The following WDR44 variants were observed in gnomAD, a reference collection of about 807,000 sequenced individuals.
WDR44 encodes the protein WD repeat domain 44.
In WDR44, 9 loss-of-function variants were observed where a neutral mutation model predicts 65.7. The observed-to-expected ratio is 0.14, with a 90% CI of 0.08 to 0.24. The LOEUF (loss-of-function observed/expected upper bound fraction) is 0.24. Ranked by LOEUF, WDR44 falls within the 10% of genes least tolerant of loss-of-function variation. The pLI is 1.00. For synonymous variants in WDR44, 220 were observed against 235.2 expected (o/e 0.94, Z 0.59); for missense variants, 425 against 670.9 (o/e 0.63, Z 4.05).
intron 12 of WDR44, among the ~76,000 whole-genome samples, chrX:118,415,543 G>A (rs2057050355): frequency 9.0e-6 from 1 of 111,700 alleles, no homozygotes; most frequent in African/African-American, 3.3e-5. Flanking sequence ...TCACTCTGTT[G>A]CCCAGGCTGG....
intron 9 of WDR44, 113 bp downstream of exon 9, chrX:118,404,557 A>G: frequency 2.1e-6 from 1 of 484,537 alleles, no homozygotes; most frequent in Non-Finnish European, 3.3e-6. Context: ...TTTATAGCTG[A>G]CATCTTAGTA....
At chrX:118,392,446 T>A (rs2056828125) in intron 3 of WDR44, among the ~76,000 whole-genome samples, 186 bp from the exon 4 acceptor site, 1 of 112,054 alleles carries the variant, frequency 8.9e-6, no homozygotes, top group African/African-American at 3.2e-5. Flanking sequence ...ATCATTTGAT[T>A]AGTTCCCTAA....
chrX:118,356,795 T>C (rs1366177374), intron 1 of WDR44, among the ~76,000 whole-genome samples: 2 of 108,605 alleles, frequency 1.8e-5, no homozygotes, highest in African/African-American at 6.7e-5. Context: ...TTCTAGATAA[T>C]TGAAGATTTT....
At chrX:118,416,276 A>C (rs2057056498) in intron 12 of WDR44, among the ~76,000 whole-genome samples, 1 of 111,389 alleles carries the variant, frequency 9.0e-6, no homozygotes, top group East Asian at 2.8e-4. Flanking sequence ...TGACCTTAGC[A>C]TGTCAGTTTG....
chrX:118,394,626 G>A (rs763801828), intron 5 of WDR44, among the ~76,000 whole-genome samples: 17 of 109,859 alleles, frequency 1.5e-4, no homozygotes, highest in Non-Finnish European at 2.5e-4. Context: ...TAGGAAGCGG[G>A]CTACACAAAA....
chrX:118,437,002 G>C (rs1856957695), intron 14 of WDR44, among the ~76,000 whole-genome samples, 178 bp downstream of exon 14: 1 of 111,816 alleles, frequency 8.9e-6, no homozygotes, highest in East Asian at 2.8e-4. Flanking sequence ...CTGCTGATCT[G>C]CATTAGAAAA....
rs766638397 is a variant in WDR44 at position 118,443,816 on chromosome X, G to A, written c.2512+129G>A. 1.3e-3 allele frequency: 806 copies of A among 610,353 alleles called. 2 individuals carry two copies. The African/African-American group carries it at 0.016, about 12-fold the overall frequency. The allele number at this position is 610,353 out of a possible 1,213,427, so 50.3% of individuals were successfully genotyped here. A position where few individuals can be genotyped will look rare whatever the true frequency, so the allele number is the denominator to read the frequency against. On this transcript the variant is annotated intron_variant, in intron 18 of 19. Transcript: ENST00000254029. ...TCCCAGCACTTTGGGAGGCCCATAC[G>A]GGTGTATCACGAGGTCAGGAGATCG... is the stretch of plus-strand genomic sequence containing the variant.
intron 1 of WDR44, among the ~76,000 whole-genome samples, chrX:118,348,731 A>C (rs2056375725): frequency 8.9e-6 from 1 of 112,058 alleles, no homozygotes; most frequent in Admixed American, 9.5e-5. Flanking sequence ...TAACCTAGAA[A>C]TGTAGTGAGA....
chrX:118,404,088 A>G (rs376546376), intron 8 of WDR44, among the ~76,000 whole-genome samples: 1 of 112,068 alleles, frequency 8.9e-6, no homozygotes, highest in African/African-American at 3.2e-5. Context: ...TTTATTCACC[A>G]TTGAAAACCA....
chrX:118,349,035 A>C (rs1310019650), intron 1 of WDR44, among the ~76,000 whole-genome samples: 1 of 111,794 alleles, frequency 8.9e-6, no homozygotes, highest in Non-Finnish European at 1.9e-5. Context: ...TTTTCCTTCC[A>C]ATGATGTCTT....
intron 19 of WDR44, among the ~76,000 whole-genome samples, chrX:118,445,236 A>G (rs6603416): frequency 0.43 from 48,049 of 110,618 alleles, 10,824 homozygotes; most frequent in African/African-American, 0.86. Flanking sequence ...CAGAGCTTGC[A>G]GTGAGCTGAG....
intron 7 of WDR44, among the ~76,000 whole-genome samples, chrX:118,398,040 G>A (rs1041012600): frequency 3.6e-5 from 4 of 111,290 alleles, no homozygotes; most frequent in Non-Finnish European, 7.5e-5. Flanking sequence ...AGTTCGACAC[G>A]AGCCTGGGCA....
Position 118,424,309 on chromosome X carries a change from ATATG to A in WDR44, c.1738-8470_1738-8467del, listed in dbSNP as rs201523905. On this transcript the variant is annotated intron_variant, in intron 12 of 19. Coordinates refer to ENST00000254029, the MANE Select transcript of WDR44 (RefSeq NM_019045.5). ...TGTGTGTGTGTATGTGTATATATATATATGTGTGTGTGTGTATATATATATATAT... is the reference window on the plus strand; with the variant it reads ...TGTGTGTGTGTATGTGTATATATATATGTGTGTGTGTATATATATATATAT... Among the ~76,000 whole-genome samples, 90 of 81,368 alleles carry A rather than the reference ATATG, an allele frequency of 1.1e-3. 3 individuals are homozygous for A. The highest frequency in any genetic ancestry group is 5.2e-3 in the African/African-American group (82 of 15,631). 70.7% of individuals were successfully genotyped at this position (81,368 alleles called of 115,157 possible). A position where few individuals can be genotyped will look rare whatever the true frequency, so the allele number is the denominator to read the frequency against.
rs962231751 is a variant in WDR44 at position 118,449,241 on chromosome X, G to A, written c.*254G>A. ...GTTTGTGTTTTCGTTGTATAATTATGAACATGCACAAGTTTCTGCATGAAA... is the reference window on the plus strand; with the variant it reads ...GTTTGTGTTTTCGTTGTATAATTATAAACATGCACAAGTTTCTGCATGAAA... On this transcript the variant is annotated 3_prime_UTR_variant, in exon 20 of 20. Transcript: ENST00000254029. 4 of 194,701 alleles carry A rather than the reference G, an allele frequency of 2.1e-5. No individual in the cohort carries two copies. The highest frequency in any genetic ancestry group is 3.8e-5 in the Non-Finnish European group (4 of 106,153). The allele number at this position is 194,701 out of a possible 1,213,427, so 16.0% of individuals were successfully genotyped here.
intron 2 of WDR44, among the ~76,000 whole-genome samples, chrX:118,378,667 T>C (rs969457117): frequency 2.8e-5 from 3 of 108,974 alleles, no homozygotes; most frequent in Non-Finnish European, 5.7e-5. Context: ...TTTTTAGATT[T>C]CTACTGATTT....
chrX:118,370,081 CATT>C (rs1438373016), intron 1 of WDR44, among the ~76,000 whole-genome samples: 1 of 111,812 alleles, frequency 8.9e-6, no homozygotes, highest in Non-Finnish European at 1.9e-5. Flanking sequence ...CTGTTTTTGA[CATT>C]AGTCTAGGCA....
Position 118,449,867 on chromosome X carries a change from G to A in WDR44, c.*880G>A, listed in dbSNP as rs1399973877. On this transcript the variant is annotated 3_prime_UTR_variant, in exon 20 of 20. Transcript: ENST00000254029. Reference sequence around the variant, plus strand: ...AATGTACCAATGAAATAACATCTGGGGCAATGAAACCCTGATCATGTTGTT... The same window carrying A: ...AATGTACCAATGAAATAACATCTGGAGCAATGAAACCCTGATCATGTTGTT... 9.0e-6 allele frequency: 1 copy of A among 111,552 alleles called. No homozygotes were observed. The highest frequency in any genetic ancestry group is 9.6e-5 in the Admixed American group (1 of 10,397). The allele number at this position is 111,552 out of a possible 1,213,427, so 9.2% of individuals were successfully genotyped here. A position where few individuals can be genotyped will look rare whatever the true frequency, so the allele number is the denominator to read the frequency against.
rs771520831 is a variant in WDR44, at chrX:118,367,081, G to A, written c.78-11338G>A. ...AGCCTGGGCAACAGAGCAAGACTCC[G>A]TCTCAAAAAAAAAAAAAAATGAAAT... is the stretch of plus-strand genomic sequence containing the variant. On this transcript the variant is annotated intron_variant, in intron 1 of 19. Transcript: ENST00000254029. 1.1e-4 allele frequency among the ~76,000 whole-genome samples: 11 copies of A among 104,342 alleles called. No homozygotes were observed. In the East Asian group the frequency reaches 1.8e-3, roughly 17 times the overall value. The allele number at this position is 104,342 out of a possible 115,157, so 90.6% of individuals were successfully genotyped here. A position where few individuals can be genotyped will look rare whatever the true frequency, so the allele number is the denominator to read the frequency against.
chrX:118,410,230 C>T (rs1406968349), intron 11 of WDR44, among the ~76,000 whole-genome samples: 1 of 111,156 alleles, frequency 9.0e-6, no homozygotes, highest in Non-Finnish European at 1.9e-5. Context: ...CCCTCCCCGC[C>T]ATCAAGTAAG....
Sources: gnomAD v4.1 joint callset for allele counts (sites outside exome capture counted in the v4.1 genomes callset) on GRCh38, gnomAD v4.1.1 for gene constraint, MANE v1.5 for transcripts, NCBI Gene and HGNC (gene_info 2026-07-23, HGNC 2026-07-21) for gene names.